Variants in ITSN1 observed in about 807,000 individuals in gnomAD.
The protein encoded by ITSN1 is intersectin 1.
A neutral mutation model predicts 239.8 loss-of-function variants in ITSN1; 58 were observed. That is an observed-to-expected ratio of 0.24 (90% CI 0.20 to 0.30). The LOEUF (loss-of-function observed/expected upper bound fraction) is 0.30, where lower values mean the gene tolerates loss of function less well. Among genes scored for constraint, ITSN1 ranks in the 10% least tolerant of loss-of-function variants. ITSN1 has a pLI of 1.00. For missense variants in ITSN1, 1,558 were observed against 2,103.3 expected, an observed-to-expected ratio of 0.74 and a Z score of 5.07; for synonymous variants, 780 against 770.8, an observed-to-expected ratio of 1.01 and a Z score of -0.20.
intron 1 of ITSN1, among the ~76,000 whole-genome samples, chr21:33,683,794 C>T (rs190129706): frequency 5.9e-5 from 9 of 152,310 alleles, no homozygotes; most frequent in Middle Eastern, 3.4e-3. Context: ...ATTTAGGGAA[C>T]TCAGTGACCA....
At chr21:33,805,626 A>C (rs1402145093) in intron 20 of ITSN1, among the ~76,000 whole-genome samples, 2 of 152,088 alleles carry the variant, frequency 1.3e-5, no homozygotes, top group Non-Finnish European at 2.9e-5. Context: ...ACAGAGGTGA[A>C]ATTTGCCAGC....
chr21:33,742,021 T>G (rs2066888741), intron 5 of ITSN1, among the ~76,000 whole-genome samples: 1 of 151,832 alleles, frequency 6.6e-6, no homozygotes. Flanking sequence ...TGTTACCCAG[T>G]GATGACCACT....
intron 20 of ITSN1, among the ~76,000 whole-genome samples, chr21:33,806,047 C>CA (rs762086740): frequency 0.039 from 4,457 of 112,966 alleles, 191 homozygotes; most frequent in African/African-American, 0.12. Flanking sequence ...ACTAAAAATA[C>CA]AAAAAAAAAA....
intron 1 of ITSN1, among the ~76,000 whole-genome samples, chr21:33,677,824 A>G (rs537700863): frequency 1.3e-5 from 2 of 152,310 alleles, no homozygotes; most frequent in South Asian, 2.1e-4. Context: ...TCTGTCCAGA[A>G]TATATCCTGA....
chr21:33,685,912 G>T (rs1223555051), intron 1 of ITSN1, among the ~76,000 whole-genome samples: 1 of 152,208 alleles, frequency 6.6e-6, no homozygotes, highest in African/African-American at 2.4e-5. Context: ...TAAAAAAGTA[G>T]ATTCATCAGA....
chr21:33,693,816 A>C (rs759353742), intron 1 of ITSN1, among the ~76,000 whole-genome samples: 1 of 152,224 alleles, frequency 6.6e-6, no homozygotes, highest in African/African-American at 2.4e-5. Context: ...GTGGAAGGGC[A>C]CAGGGTTATC....
At position 33,671,379 on chromosome 21, in the gene ITSN1, C is replaced by T. The variant is rs541899330; in HGVS notation, c.-33+28666C>T. Reference sequence around the variant, plus strand: ...TTGACTCACCGCAACCCCCGCCTCCCGGATTCAAGTGATTCTTCTGCCTCA... The same window carrying T: ...TTGACTCACCGCAACCCCCGCCTCCTGGATTCAAGTGATTCTTCTGCCTCA... On this transcript the variant is annotated intron_variant, in intron 1 of 39. Transcript: ENST00000381318. Among the ~76,000 whole-genome samples the T allele has an allele frequency of 3.6e-3, 543 of 151,990 alleles. 2 individuals are homozygous for T. Among genetic ancestry groups the T allele is most frequent in the African/African-American group, 0.012 (512 of 41,476 alleles).
At chr21:33,876,508 G>A (rs1411225985) in intron 34 of ITSN1, among the ~76,000 whole-genome samples, 1 of 152,182 alleles carries the variant, frequency 6.6e-6, no homozygotes, top group African/African-American at 2.4e-5. Flanking sequence ...GGGACCACAG[G>A]TGCATGCCAC....
rs1016895794 is a variant in ITSN1 at position 33,889,027 on chromosome 21, T to G, written c.*727T>G. On this transcript the variant is annotated 3_prime_UTR_variant, in exon 40 of 40. Coordinates refer to ENST00000381318, the MANE Select transcript of ITSN1 (RefSeq NM_003024.3). ...GATTCCCAGCATGCTTAGAATATGG[T>G]CACAGAAAGTCATTATCTAGAAAGT... 6.6e-6 allele frequency: 1 copy of G among 152,122 alleles called. No homozygotes were observed. The highest frequency in any genetic ancestry group is 6.5e-5 in the Admixed American group (1 of 15,268). The allele number at this position is 152,122 out of a possible 1,614,324, so 9.4% of individuals were successfully genotyped here.
chr21:33,723,630 T>C (rs1385729612), intron 4 of ITSN1, among the ~76,000 whole-genome samples: 1 of 152,068 alleles, frequency 6.6e-6, no homozygotes, highest in African/African-American at 2.4e-5. Flanking sequence ...AAAAAGAGCA[T>C]GTGATTTGTA....
intron 21 of ITSN1, among the ~76,000 whole-genome samples, chr21:33,812,477 T>A (rs1229400571): frequency 6.6e-6 from 1 of 152,174 alleles, no homozygotes; most frequent in Non-Finnish European, 1.5e-5. Context: ...CACACAGACA[T>A]GTTTATCTAA....
At chr21:33,816,693 G>A (rs945707301) in intron 22 of ITSN1, among the ~76,000 whole-genome samples, 8 of 152,188 alleles carry the variant, frequency 5.3e-5, no homozygotes, top group Admixed American at 2.0e-4. Context: ...GGGTCCATAC[G>A]TAGAGAAATC....
intron 18 of ITSN1, among the ~76,000 whole-genome samples, chr21:33,798,943 A>T (rs751424523): frequency 1.3e-5 from 2 of 152,144 alleles, no homozygotes; most frequent in African/African-American, 2.4e-5. Flanking sequence ...TAAGTTCTTC[A>T]TGCGTCCTCC....
At chr21:33,828,735 A>C (rs938087530) in intron 26 of ITSN1, among the ~76,000 whole-genome samples, 1 of 152,136 alleles carries the variant, frequency 6.6e-6, no homozygotes, top group African/African-American at 2.4e-5. Context: ...TATTGCTTCT[A>C]GAAGTTCAGA....
chr21:33,788,191 A>G (rs1856258660), intron 16 of ITSN1, among the ~76,000 whole-genome samples: 1 of 152,172 alleles, frequency 6.6e-6, no homozygotes, highest in African/African-American at 2.4e-5. Context: ...TCCCAAGGGT[A>G]CTTCCCAAAG....
At chr21:33,810,795 AT>A (rs367739805) in intron 20 of ITSN1, 179 bp from the exon 21 acceptor site, 889 of 705,142 alleles carry the variant, frequency 1.3e-3, no homozygotes, top group East Asian at 3.8e-3. Context: ...ATTATAGTGC[AT>A]TTTTTTTTTC....
At chr21:33,792,565 A>G (rs1408075914) in intron 16 of ITSN1, among the ~76,000 whole-genome samples, 7 of 152,172 alleles carry the variant, frequency 4.6e-5, no homozygotes, top group African/African-American at 1.4e-4. Context: ...AACCAGTACT[A>G]CTGATTTTTT....
intron 11 of ITSN1, 76 bp from the exon 12 acceptor site, chr21:33,771,985 C>T (rs1273338306): frequency 6.6e-7 from 1 of 1,520,386 alleles, no homozygotes; most frequent in Non-Finnish European, 8.9e-7. Context: ...ATTTCAAATA[C>T]ATTGGTGAGT....
intron 32 of ITSN1, among the ~76,000 whole-genome samples, chr21:33,866,808 A>G (rs1981678382): frequency 6.6e-6 from 1 of 152,174 alleles, no homozygotes; most frequent in Non-Finnish European, 1.5e-5. Context: ...CTAGACAATG[A>G]GATTTAGCCC....
Sources: gnomAD v4.1 joint callset for allele counts (sites outside exome capture counted in the v4.1 genomes callset) on GRCh38, gnomAD v4.1.1 for gene constraint, MANE v1.5 for transcripts, NCBI Gene and HGNC (gene_info 2026-07-23, HGNC 2026-07-21) for gene names.